Variants in PUF60 observed in about 807,000 individuals in gnomAD.
PUF60 encodes the protein poly(U)-binding-splicing factor PUF60.
PUF60 carries 10 observed loss-of-function variants against 61.8 expected under a neutral mutation model. The ratio of observed to expected loss-of-function variants is 0.16; its 90% CI spans 0.10 to 0.27. The LOEUF is 0.27. PUF60 is among the 10% of genes least tolerant of loss of function. PUF60 has a pLI of 1.00. For missense variants in PUF60, 371 were observed against 754.0 expected (o/e 0.49, Z 5.95); for synonymous variants, 353 against 300.9 (o/e 1.17, Z -1.79).
At chr8:143,824,555 C>G in intron 1 of PUF60, 156 bp from the exon 2 acceptor site, 1 of 687,054 alleles carries the variant, frequency 1.5e-6, no homozygotes, top group Non-Finnish European at 2.5e-6. Context: ...AAACTGCCCT[C>G]TCTTCACACC....
intron 3 of PUF60, 52 bp from the exon 4 acceptor site, chr8:143,821,738 G>A: frequency 6.5e-7 from 1 of 1,543,942 alleles, no homozygotes; most frequent in South Asian, 1.2e-5. Flanking sequence ...TGGGAGACAG[G>A]CCTGCCCCGC....
intron 4 of PUF60, chr8:143,821,345 G>A: frequency 3.4e-6 from 2 of 594,258 alleles, no homozygotes; most frequent in Non-Finnish European, 6.0e-6. Context: ...AAGGGGAAAA[G>A]GGTAGAGCTG....
In PUF60 at chr8:143,824,410, G is replaced by T; in HGVS notation, c.25-11C>A. Reference sequence around the variant, plus strand: ...CTGGCCATTGACCTGCTGCAGGCAGGAAGGAGATGTTGTAACGACAGGCAC... The same window carrying T: ...CTGGCCATTGACCTGCTGCAGGCAGTAAGGAGATGTTGTAACGACAGGCAC... On this transcript the variant is annotated splice_polypyrimidine_tract_variant and intron_variant, in intron 1 of 11. Coordinates refer to ENST00000526683, the MANE Select transcript of PUF60 (RefSeq NM_078480.3). 1 of 1,610,720 alleles carries T rather than the reference G, an allele frequency of 6.2e-7. No individual in the cohort carries two copies.
At position 143,816,655 on chromosome 8, in the gene PUF60, G is replaced by A. The variant is rs764633071; in HGVS notation, c.1545C>T (p.Ile515=). The A allele has an allele frequency of 3.7e-6, 6 of 1,613,834 alleles. No homozygotes were observed. The South Asian group carries it at 4.4e-5, about 12-fold the overall frequency. The change falls in exon 12 of 12, where the codon ATC becomes ATT. Residue 515 remains isoleucine (I), a synonymous_variant. Transcript: ENST00000526683. ...EEEDAEIIVK[I]FVEFSIASET... ...CAGAGGCTATGGAAAACTCCACAAA[G>A]ATCTTGACAATGATTTCTGCATCCT...
At chr8:143,827,523 A>G in intron 1 of PUF60, 1 of 450,992 alleles carries the variant, frequency 2.2e-6, no homozygotes, top group Non-Finnish European at 4.5e-6. Flanking sequence ...GCTCCATTCA[A>G]CCTCCCATGA....
chr8:143,819,766 C>T (rs1053764365), intron 5 of PUF60, among the ~76,000 whole-genome samples: 2 of 152,070 alleles, frequency 1.3e-5, no homozygotes, highest in South Asian at 2.1e-4. Context: ...TCCCCAGACA[C>T]GAGACCAGGC....
intron 2 of PUF60, among the ~76,000 whole-genome samples, chr8:143,824,009 G>A (rs1161805090): frequency 2.6e-5 from 4 of 152,232 alleles, no homozygotes; most frequent in Non-Finnish European, 4.4e-5. Flanking sequence ...AAGAACGCGC[G>A]AGCTCCAGGC....
chr8:143,819,585 A>C (rs1461236800), intron 5 of PUF60, among the ~76,000 whole-genome samples: 1 of 152,140 alleles, frequency 6.6e-6, no homozygotes, highest in Non-Finnish European at 1.5e-5. Flanking sequence ...GCCTGGAAGC[A>C]TCTCTCCACA....
intron 5 of PUF60, among the ~76,000 whole-genome samples, chr8:143,819,973 G>C (rs769098167): frequency 6.6e-6 from 1 of 152,202 alleles, no homozygotes; most frequent in Non-Finnish European, 1.5e-5. Context: ...CTGAACAGAG[G>C]CTCCCAGAGA....
intron 4 of PUF60, 98 bp downstream of exon 4, chr8:143,821,499 T>C: frequency 8.8e-7 from 1 of 1,132,774 alleles, no homozygotes; most frequent in Non-Finnish European, 1.3e-6. Flanking sequence ...TGTAACAGCT[T>C]GCGGGGACGG....
In PUF60 at chr8:143,827,502, C is replaced by A. The variant is rs144730365; in HGVS notation, c.24+1778G>T. The A allele has an allele frequency of 5.7e-5, 26 of 455,046 alleles. 1 individual carries two copies. Among genetic ancestry groups the A allele is most frequent in the Non-Finnish European group, 9.3e-5 (21 of 226,308 alleles). 28.2% of individuals were successfully genotyped at this position (455,046 alleles called of 1,614,324 possible). A position where few individuals can be genotyped will look rare whatever the true frequency, so the allele number is the denominator to read the frequency against. On this transcript the variant is annotated intron_variant, in intron 1 of 11. Coordinates refer to ENST00000526683, the MANE Select transcript of PUF60 (RefSeq NM_078480.3). Reference sequence around the variant, plus strand: ...CCTTCCCCACCAGGCCACTGTCAGCCAAGTTCAGCTGCTCCATTCAACCTC... The same window carrying A: ...CCTTCCCCACCAGGCCACTGTCAGCAAAGTTCAGCTGCTCCATTCAACCTC...
intron 5 of PUF60, 103 bp downstream of exon 5, chr8:143,820,563 G>A: frequency 7.7e-7 from 1 of 1,307,142 alleles, no homozygotes; most frequent in Non-Finnish European, 1.1e-6. Flanking sequence ...CTGGCGGGCA[G>A]GGCCGGCCAG....
rs751053088 is a variant in PUF60 at position 143,818,439 on chromosome 8, G to A, written c.444C>T (p.Ala148=). 2.5e-6 allele frequency: 4 copies of A among 1,612,290 alleles called. No individual in the cohort carries two copies. Among genetic ancestry groups the A allele is most frequent in the East Asian group, 2.2e-5 (1 of 44,866 alleles). ...YELGEDTIRQ[A]FAPFGPIKSI... ...TCTTGATGGGGCCAAAGGGGGCAAA[G>A]GCCTGGCGGATGGTGTCCTCCCCCA... Residue 148 remains alanine (A), a synonymous_variant, in exon 6 of 12, where the codon GCC becomes GCT. Transcript: ENST00000526683. The surrounding 1 kb of genome is among the most constrained non-coding windows in gnomAD (Gnocchi z 7.9).
At chr8:143,819,214 C>T (rs1816735025) in intron 5 of PUF60, among the ~76,000 whole-genome samples, 1 of 152,122 alleles carries the variant, frequency 6.6e-6, no homozygotes, top group Admixed American at 6.5e-5. Flanking sequence ...GGCCTGGCCC[C>T]CGGGGGCACC....
At position 143,817,677 on chromosome 8, in the gene PUF60, G is replaced by A; in HGVS notation, c.923C>T (p.Pro308Leu). Reference protein sequence around the residue: ...RVGKAVTPPMPLLTPATPGGL... With the variant: ...RVGKAVTPPMLLLTPATPGGL... ...TCCAGGCGTGGCTGGTGTGAGTAGG[G>A]GCATGGGCGGTGTGACAGCCTTGCC... The change falls in exon 9 of 12, where the codon CCC becomes CTC. Residue 308 changes from proline to leucine, a missense_variant. This residue lies in a region of PUF60 where 17 missense variants were observed against 19.2 expected (regional missense o/e 0.89). Transcript: ENST00000526683. This position sits in a 1 kb window ranked among gnomAD's most constrained non-coding sequence, Gnocchi z 7.4. 1 of 1,612,684 alleles carries A rather than the reference G, an allele frequency of 6.2e-7. No homozygotes were observed. The highest frequency in any genetic ancestry group is 8.5e-7 in the Non-Finnish European group (1 of 1,179,882).
rs1816675858 is a variant in PUF60 at position 143,818,747 on chromosome 8, G to A, written c.349-213C>T. 2 of 598,530 alleles carry A rather than the reference G, an allele frequency of 3.3e-6. No homozygotes were observed. The highest frequency in any genetic ancestry group is 3.7e-5 in the African/African-American group (2 of 53,764). 37.1% of individuals were successfully genotyped at this position (598,530 alleles called of 1,614,324 possible). On this transcript the variant is annotated intron_variant, in intron 5 of 11. Coordinates refer to ENST00000526683, the MANE Select transcript of PUF60 (RefSeq NM_078480.3). This position sits in a 1 kb window ranked among gnomAD's most constrained non-coding sequence, Gnocchi z 7.9. ...GAAGGCCAGGCCCAGCGGCAGGACA[G>A]GACGCACCCCAGCCCGCCAAGGTCC...
chr8:143,820,898 G>A (rs1463769035), intron 4 of PUF60, among the ~76,000 whole-genome samples, 182 bp from the exon 5 acceptor site: 6 of 152,158 alleles, frequency 3.9e-5, no homozygotes, highest in Non-Finnish European at 7.4e-5. Context: ...CATGTGCCCC[G>A]CCCTGCAGCC....
intron 1 of PUF60, chr8:143,827,618 C>T (rs1210220642): frequency 8.5e-6 from 3 of 354,882 alleles, no homozygotes; most frequent in East Asian, 7.8e-5. Context: ...TTCTAGAAGC[C>T]TTTCCATCCC....
In PUF60 at chr8:143,818,760, CCCG is replaced by C. The variant is rs1816678901; in HGVS notation, c.349-229_349-227del. 8.7e-6 allele frequency: 5 copies of C among 577,032 alleles called. No individual in the cohort carries two copies. The highest frequency in any genetic ancestry group is 4.7e-5 in the South Asian group (2 of 42,368). 35.7% of individuals were successfully genotyped at this position (577,032 alleles called of 1,614,324 possible). On this transcript the variant is annotated intron_variant, in intron 5 of 11. Coordinates refer to ENST00000526683, the MANE Select transcript of PUF60 (RefSeq NM_078480.3). The surrounding 1 kb of genome is among the most constrained non-coding windows in gnomAD (Gnocchi z 7.9). ...AGCGGCAGGACAGGACGCACCCCAG[CCCG>C]CCAAGGTCCCAGGCAGACTGCGGCA...
Sources: allele counts gnomAD v4.1 joint callset (sites outside exome capture counted in the v4.1 genomes callset), GRCh38; gene constraint gnomAD v4.1.1; regional missense constraint gnomAD v4.1.1; non-coding constraint Gnocchi (gnomAD v3.1); transcripts MANE v1.5; gene names NCBI Gene and HGNC (gene_info 2026-07-23, HGNC 2026-07-21).